LRP1B: variants seen among roughly 807,000 people sequenced by gnomAD.
LRP1B encodes the protein low-density lipoprotein receptor-related protein 1B.
LRP1B carries 217 observed loss-of-function variants against 556.6 expected under a neutral mutation model. The observed-to-expected ratio is 0.39, with a 90% CI of 0.35 to 0.44. LRP1B has a LOEUF of 0.44. Ranked by LOEUF, LRP1B falls within the 20% of genes least tolerant of loss-of-function variation. The pLI is 1.00. For missense variants in LRP1B, 5,053 were observed against 5,620.8 expected, an observed-to-expected ratio of 0.90 and a Z score of 3.23; for synonymous variants, 2,047 against 1,865.8, an observed-to-expected ratio of 1.10 and a Z score of -2.50.
chr2:140,536,022 C>T (rs1330203250), intron 46 of LRP1B, among the ~76,000 whole-genome samples: 3 of 152,072 alleles, frequency 2.0e-5, no homozygotes, highest in Non-Finnish European at 4.4e-5. Context: ...AACTCTGCTT[C>T]AGAGTAAGCC....
chr2:141,486,401 C>A (rs1559098982), intron 2 of LRP1B, among the ~76,000 whole-genome samples: 1 of 151,776 alleles, frequency 6.6e-6, no homozygotes, highest in African/African-American at 2.4e-5. Context: ...AAATATTTTA[C>A]TGTGTACATT....
In LRP1B at chr2:140,508,875, T is replaced by C. The variant is rs146427088; in HGVS notation, c.8398+1053A>G. ...AGCATACTGGGACCATCTGGATCCC[T>C]GAATTGATGCATAATCCTTTATTAT... On this transcript the variant is annotated intron_variant, in intron 52 of 90. Transcript: ENST00000389484. 5.9e-5 allele frequency among the ~76,000 whole-genome samples: 9 copies of C among 152,284 alleles called. No homozygotes were observed. In the East Asian group the frequency reaches 1.2e-3, roughly 20 times the overall value.
chr2:140,593,851 T>G (rs1682325182), intron 43 of LRP1B, among the ~76,000 whole-genome samples: 1 of 152,184 alleles, frequency 6.6e-6, no homozygotes, highest in South Asian at 2.1e-4. Flanking sequence ...AAGGATCTGT[T>G]TCTCTGGTCT....
intron 27 of LRP1B, among the ~76,000 whole-genome samples, chr2:140,854,130 G>A (rs1692544010): frequency 6.7e-6 from 1 of 149,858 alleles, no homozygotes; most frequent in African/African-American, 2.4e-5. Flanking sequence ...AAGACAAGAA[G>A]GAAAAAAAAG....
At chr2:142,013,856 A>C (rs1356783537) in intron 1 of LRP1B, among the ~76,000 whole-genome samples, 1 of 152,202 alleles carries the variant, frequency 6.6e-6, no homozygotes, top group Non-Finnish European at 1.5e-5. Flanking sequence ...GCTGGGCTGC[A>C]TTCCCAGAAA....
chr2:140,884,611 A>G (rs1693578894), intron 24 of LRP1B, among the ~76,000 whole-genome samples: 1 of 152,210 alleles, frequency 6.6e-6, no homozygotes, highest in African/African-American at 2.4e-5. Context: ...CAAAAATGTA[A>G]ATAAGAGAAA....
At chr2:140,413,156 G>T (rs1341086155) in intron 66 of LRP1B, among the ~76,000 whole-genome samples, 3 of 152,028 alleles carry the variant, frequency 2.0e-5, no homozygotes, top group Admixed American at 6.6e-5. Flanking sequence ...TTTAAAGAAA[G>T]ATAAATGTAA....
At chr2:141,844,734 T>C (rs192822485) in intron 1 of LRP1B, among the ~76,000 whole-genome samples, 7 of 152,166 alleles carry the variant, frequency 4.6e-5, no homozygotes, top group East Asian at 1.9e-4. Flanking sequence ...GAGAAAATTA[T>C]TGTGTCAAAC....
At chr2:141,773,525 G>C (rs1694966416) in intron 2 of LRP1B, among the ~76,000 whole-genome samples, 1 of 152,212 alleles carries the variant, frequency 6.6e-6, no homozygotes, top group Non-Finnish European at 1.5e-5. Context: ...CAGAGGACAA[G>C]GTGAATACCT....
At chr2:141,484,776 G>C (rs1683058237) in intron 2 of LRP1B, among the ~76,000 whole-genome samples, 1 of 151,944 alleles carries the variant, frequency 6.6e-6, no homozygotes, top group Admixed American at 6.6e-5. Context: ...TCTGTTATTG[G>C]TGTATAAGAA....
intron 84 of LRP1B, among the ~76,000 whole-genome samples, chr2:140,289,755 A>G (rs1683299633): frequency 6.6e-6 from 1 of 151,992 alleles, no homozygotes; most frequent in Admixed American, 6.6e-5. Flanking sequence ...AAAATAATTA[A>G]TTATTTTACC....
At chr2:141,155,816 A>G (rs1000475136) in intron 7 of LRP1B, among the ~76,000 whole-genome samples, 1 of 152,192 alleles carries the variant, frequency 6.6e-6, no homozygotes, top group Non-Finnish European at 1.5e-5. Context: ...TAGTATTTCC[A>G]AAGCTAACAA....
chr2:141,512,393 C>T (rs1406252913), intron 2 of LRP1B, among the ~76,000 whole-genome samples: 1 of 152,094 alleles, frequency 6.6e-6, no homozygotes, highest in Non-Finnish European at 1.5e-5. Flanking sequence ...TTCCCAAAAG[C>T]GTGAGCAGAC....
chr2:142,016,121 C>G (rs1489532384), intron 1 of LRP1B, among the ~76,000 whole-genome samples: 3 of 149,776 alleles, frequency 2.0e-5, no homozygotes, highest in Non-Finnish European at 4.4e-5. Flanking sequence ...CAAATGAAAA[C>G]CACAATGAGA....
rs762783929 is a variant in LRP1B, at chr2:140,364,780, C to T, written c.11012G>A (p.Gly3671Glu). 7 of 1,608,416 alleles carry T rather than the reference C, an allele frequency of 4.4e-6. No homozygotes were observed. Among genetic ancestry groups the T allele is most frequent in the Non-Finnish European group, 5.1e-6 (6 of 1,176,476 alleles). The change falls in exon 72 of 91, where the codon GGA (glycine) becomes GAA (glutamate). Residue 3671 changes from glycine (G) to glutamate (E), a missense_variant. This residue lies in a region of LRP1B where 599 missense variants were observed against 648.4 expected (regional missense o/e 0.92). Coordinates refer to ENST00000389484, the MANE Select transcript of LRP1B (RefSeq NM_018557.3). ...GAACTCATCAGCTCTACATATATTT[C>T]CTCCTTTATTTTAAAACAAAAAGAA... ...GSDEENCERG[G>E]NICRADEFLC...
intron 3 of LRP1B, among the ~76,000 whole-genome samples, chr2:141,361,679 C>A (rs1688832327): frequency 6.6e-6 from 1 of 152,104 alleles, no homozygotes; most frequent in Non-Finnish European, 1.5e-5. Context: ...GGTGGGGAGT[C>A]TTTCCTCTTT....
chr2:140,994,956 T>C (rs111923469), intron 15 of LRP1B, among the ~76,000 whole-genome samples: 5,567 of 152,004 alleles, frequency 0.037, 118 homozygotes, highest in Non-Finnish European at 0.043. Context: ...TGGGTGAAAG[T>C]TGACATGTAA....
rs545745338 is a variant in LRP1B at position 142,048,882 on chromosome 2, T to G, written c.82+81766A>C. Among the ~76,000 whole-genome samples the G allele has an allele frequency of 7.9e-5, 12 of 152,174 alleles. No individual in the cohort carries two copies. In the South Asian group the frequency reaches 2.3e-3, roughly 29 times the overall value. On this transcript the variant is annotated intron_variant, in intron 1 of 90. Coordinates refer to ENST00000389484, the MANE Select transcript of LRP1B (RefSeq NM_018557.3). ...TTATTAAAAACTTAGAAGCATAAAT[T>G]ATCAGGCCTGAAAAGTACTTGTTTA...
Position 141,095,627 on chromosome 2 carries a change from T to C in LRP1B, c.1014-33354A>G, listed in dbSNP as rs530859187. On this transcript the variant is annotated intron_variant, in intron 7 of 90. Coordinates refer to ENST00000389484, the MANE Select transcript of LRP1B (RefSeq NM_018557.3). ...ATTTCAATTCTTAACCTAAAGTACATAGAGTTATTATTATTATTTTTTTAT... is the reference window on the plus strand; with the variant it reads ...ATTTCAATTCTTAACCTAAAGTACACAGAGTTATTATTATTATTTTTTTAT... Among the ~76,000 whole-genome samples, 274 of 151,846 alleles carry C rather than the reference T, an allele frequency of 1.8e-3. 2 individuals are homozygous for C. The highest frequency in any genetic ancestry group is 6.3e-3 in the African/African-American group (260 of 41,450).
Sources: allele counts gnomAD v4.1 joint callset (sites outside exome capture counted in the v4.1 genomes callset), GRCh38; gene constraint gnomAD v4.1.1; regional missense constraint gnomAD v4.1.1; transcripts MANE v1.5; gene names NCBI Gene and HGNC (gene_info 2026-07-23, HGNC 2026-07-21).